The following CRYBG1 variants were observed in gnomAD, a reference collection of about 807,000 sequenced individuals.
CRYBG1 encodes crystallin beta-gamma domain containing 1.
In CRYBG1, 139 loss-of-function variants were observed where a neutral mutation model predicts 189.2. The ratio of observed to expected loss-of-function variants is 0.73; its 90% CI spans 0.64 to 0.85. The LOEUF is 0.85. Among genes scored for constraint, CRYBG1 ranks in the 40% least tolerant of loss-of-function variants. The pLI is 0.00. For missense variants in CRYBG1, 2,611 were observed against 2,675.8 expected, an observed-to-expected ratio of 0.98 and a Z score of 0.53; for synonymous variants, 1,023 against 1,017.1, an observed-to-expected ratio of 1.01 and a Z score of -0.11.
chr6:106,397,933 A>G (rs1233894169), intron 1 of CRYBG1, among the ~76,000 whole-genome samples: 2 of 152,182 alleles, frequency 1.3e-5, no homozygotes, highest in Non-Finnish European at 2.9e-5. Context: ...CTCTGTATCA[A>G]ATTTATATGG....
chr6:106,423,283 A>G (rs1002130955), intron 1 of CRYBG1, among the ~76,000 whole-genome samples: 9 of 139,448 alleles, frequency 6.5e-5, no homozygotes, highest in African/African-American at 1.6e-4. Flanking sequence ...TTCGCTATCA[A>G]TAAAACCTTT....
intron 2 of CRYBG1, among the ~76,000 whole-genome samples, chr6:106,494,163 A>G (rs1582794734): frequency 6.6e-6 from 1 of 151,922 alleles, no homozygotes. Flanking sequence ...TAGACGAGAT[A>G]CCTAAAGTAG....
chr6:106,482,571 C>A (rs148299806), intron 2 of CRYBG1, among the ~76,000 whole-genome samples: 1 of 151,988 alleles, frequency 6.6e-6, no homozygotes, highest in Non-Finnish European at 1.5e-5. Context: ...GTCAGGAGAT[C>A]GAGACCATCC....
At chr6:106,462,885 GGCTCACACCTGTA>G (rs2114455327) in intron 2 of CRYBG1, among the ~76,000 whole-genome samples, 1 of 152,314 alleles carries the variant, frequency 6.6e-6, no homozygotes, top group African/African-American at 2.4e-5. Flanking sequence ...CAGGCTCAGT[GGCTCACACCTGTA>G]ATCCCAGCAG....
At position 106,415,347 on chromosome 6, in the gene CRYBG1, G is replaced by A. The variant is rs7764920; in HGVS notation, c.174-36347G>A. Among the ~76,000 whole-genome samples the A allele has an allele frequency of 3.8e-3, 585 of 152,276 alleles. 4 individuals carry two copies. The highest frequency in any genetic ancestry group is 0.013 in the African/African-American group (537 of 41,556). On this transcript the variant is annotated intron_variant, in intron 1 of 21. Coordinates refer to ENST00000633556, the MANE Select transcript of CRYBG1 (RefSeq NM_001371242.2). ...TGTTTATATAAAAGTAATCTCCAGC[G>A]CTCTTTCTCTACCTCTGCCCTCAAG...
At chr6:106,561,643 G>C in intron 20 of CRYBG1, 143 bp downstream of exon 20, 1 of 990,876 alleles carries the variant, frequency 1.0e-6, no homozygotes, top group South Asian at 1.8e-5. Context: ...TTTTTTTCAT[G>C]ACAGTATATC....
intron 2 of CRYBG1, among the ~76,000 whole-genome samples, chr6:106,508,888 A>G (rs987757263): frequency 6.6e-6 from 1 of 151,202 alleles, no homozygotes; most frequent in Non-Finnish European, 1.5e-5. Context: ...AAGAGCAAGC[A>G]ACCAGTTTTG....
At chr6:106,565,711 T>TTACTCCA (rs1774863881) in intron 21 of CRYBG1, among the ~76,000 whole-genome samples, 4 of 152,138 alleles carry the variant, frequency 2.6e-5, no homozygotes, top group Non-Finnish European at 4.4e-5. Flanking sequence ...AACCAAACAG[T>TTACTCCA]AACATATAGT....
At chr6:106,391,853 A>T (rs1222764151) in intron 1 of CRYBG1, among the ~76,000 whole-genome samples, 4 of 151,996 alleles carry the variant, frequency 2.6e-5, no homozygotes, top group African/African-American at 9.7e-5. Flanking sequence ...TGCGCTCCAA[A>T]TTCTTGTCAT....
At chr6:106,537,055 A>C (rs951700976) in intron 8 of CRYBG1, among the ~76,000 whole-genome samples, 2 of 152,208 alleles carry the variant, frequency 1.3e-5, no homozygotes, top group Non-Finnish European at 2.9e-5. Context: ...AGTCTTTTCA[A>C]ATGCATTCAT....
intron 1 of CRYBG1, among the ~76,000 whole-genome samples, chr6:106,388,343 A>T (rs959696517): frequency 1.3e-5 from 2 of 152,082 alleles, no homozygotes; most frequent in African/African-American, 4.8e-5. Flanking sequence ...CCATGCACTT[A>T]TTTCATAAAT....
At chr6:106,523,031 A>G (rs142942066) in intron 4 of CRYBG1, among the ~76,000 whole-genome samples, 108 of 152,334 alleles carry the variant, frequency 7.1e-4, no homozygotes, top group African/African-American at 2.4e-3. Flanking sequence ...ATTGTAAAAC[A>G]CCAGAAAGTA....
chr6:106,433,773 G>GTA (rs1318647942), intron 1 of CRYBG1, among the ~76,000 whole-genome samples: 2 of 36,456 alleles, frequency 5.5e-5, no homozygotes, highest in Non-Finnish European at 1.1e-4. Context: ...ATATATATAT[G>GTA]TATATATATA....
intron 1 of CRYBG1, among the ~76,000 whole-genome samples, chr6:106,411,473 A>G (rs1043352147): frequency 6.6e-6 from 1 of 152,188 alleles, no homozygotes; most frequent in Non-Finnish European, 1.5e-5. Context: ...TTGTATCTAC[A>G]TAGACTTTGG....
intron 1 of CRYBG1, among the ~76,000 whole-genome samples, chr6:106,400,156 A>AAAAAAG (rs764916473): frequency 4.9e-5 from 7 of 143,904 alleles, no homozygotes; most frequent in East Asian, 2.3e-4. Context: ...AAAAAAAAAA[A>AAAAAAG]AGAGAGAGAG....
chr6:106,403,361 T>C (rs1278389348), intron 1 of CRYBG1, among the ~76,000 whole-genome samples: 1 of 151,192 alleles, frequency 6.6e-6, no homozygotes, highest in Non-Finnish European at 1.5e-5. Context: ...AAAGGTTCAC[T>C]TGTGACTGGA....
In CRYBG1 at chr6:106,512,819, C is replaced by A; in HGVS notation, c.1702C>A (p.Pro568Thr). The change falls in exon 3 of 22, where the codon CCC becomes ACC. Residue 568 changes from proline to threonine, a missense_variant. Pro to Thr is a conservative substitution (Grantham distance 38). Around this residue, in one of 3 missense-constraint regions of CRYBG1, gnomAD observed 985 missense variants for 924.4 expected, o/e 1.07. Transcript: ENST00000633556. ...ESGEEAARAI[P>T]RELPVKSSSL... is the part of the protein sequence containing the mutation. ...CGGGGAGGAGGCGGCGCGGGCCATC[C>A]CCCGCGAGCTCCCGGTCAAGAGCAG... The A allele has an allele frequency of 1.3e-6, 2 of 1,575,794 alleles. No homozygotes were observed. Among genetic ancestry groups the A allele is most frequent in the East Asian group, 2.3e-5 (1 of 42,850 alleles).
rs59943398 is a variant in CRYBG1 at position 106,447,547 on chromosome 6, A to AATATATATATATATATATATAT, written c.174-4142_174-4121dup. Among the ~76,000 whole-genome samples, 255 of 140,986 alleles carry AATATATATATATATATATATAT rather than the reference A, an allele frequency of 1.8e-3. 2 individuals carry two copies. The highest frequency in any genetic ancestry group is 9.1e-3 in the East Asian group (42 of 4,614). The allele number at this position is 140,986 out of a possible 152,430, so 92.5% of individuals were successfully genotyped here. On this transcript the variant is annotated intron_variant, in intron 1 of 21. Coordinates refer to ENST00000633556, the MANE Select transcript of CRYBG1 (RefSeq NM_001371242.2). ...ATGCTTGTACCTCATGTACCTCATA[A>AATATATATATATATATATATAT]ATATATATATATATATATATATATA...
intron 2 of CRYBG1, among the ~76,000 whole-genome samples, chr6:106,477,875 CA>C (rs748698061): frequency 1.3e-5 from 2 of 152,344 alleles, no homozygotes; most frequent in Admixed American, 6.5e-5. Flanking sequence ...GATCTCACAC[CA>C]TGGAAAGATC....
Sources: allele counts gnomAD v4.1 joint callset (sites outside exome capture counted in the v4.1 genomes callset), GRCh38; gene constraint gnomAD v4.1.1; regional missense constraint gnomAD v4.1.1; transcripts MANE v1.5; gene names NCBI Gene and HGNC (gene_info 2026-07-23, HGNC 2026-07-21).